EXT1: variants seen among roughly 807,000 people sequenced by gnomAD.
EXT1 encodes the protein exostosin glycosyltransferase 1.
Under a neutral mutation model 82.5 loss-of-function variants are expected in EXT1, and 20 were observed. That is an observed-to-expected ratio of 0.24 (90% CI 0.17 to 0.35). The LOEUF (loss-of-function observed/expected upper bound fraction) is 0.35. EXT1 is among the 10% of genes least tolerant of loss of function. EXT1 has a pLI of 1.00. For missense variants in EXT1, 757 were observed against 936.5 expected (o/e 0.81, Z 2.50); for synonymous variants, 348 against 350.8 (o/e 0.99, Z 0.09).
At chr8:118,038,078 G>A (rs968800447) in intron 1 of EXT1, among the ~76,000 whole-genome samples, 43 of 151,940 alleles carry the variant, frequency 2.8e-4, no homozygotes, top group African/African-American at 1.0e-3. Context: ...CACCTGCCTC[G>A]GCTTCCCAAA....
chr8:117,869,497 C>CAA (rs1244461856), intron 1 of EXT1, among the ~76,000 whole-genome samples: 1 of 152,162 alleles, frequency 6.6e-6, no homozygotes, highest in Non-Finnish European at 1.5e-5. Flanking sequence ...AAGTATCTAC[C>CAA]TCCTTGTCCT....
chr8:117,906,613 A>C (rs146388321), intron 1 of EXT1, among the ~76,000 whole-genome samples: 1 of 152,196 alleles, frequency 6.6e-6, no homozygotes, highest in Non-Finnish European at 1.5e-5. Context: ...TTTCCTACGA[A>C]ATTCCTTAAA....
intron 1 of EXT1, among the ~76,000 whole-genome samples, chr8:118,036,361 T>G (rs888686970): frequency 6.6e-6 from 1 of 152,008 alleles, no homozygotes; most frequent in African/African-American, 2.4e-5. Context: ...TTCTATAGTC[T>G]CCATATCTCT....
chr8:117,997,846 G>A (rs1027892346), intron 1 of EXT1, among the ~76,000 whole-genome samples: 5 of 152,046 alleles, frequency 3.3e-5, no homozygotes, highest in African/African-American at 1.2e-4. Flanking sequence ...GCTCCCCAAG[G>A]AACCCCCAAG....
At chr8:117,852,248 G>C (rs1248317097) in intron 1 of EXT1, among the ~76,000 whole-genome samples, 1 of 152,132 alleles carries the variant, frequency 6.6e-6, no homozygotes, top group South Asian at 2.1e-4. Context: ...ATGCTTTTTG[G>C]AGATGTCCCA....
intron 1 of EXT1, 71 bp from the exon 2 acceptor site, chr8:117,837,272 G>A: frequency 8.0e-7 from 1 of 1,254,924 alleles, no homozygotes; most frequent in Non-Finnish European, 1.2e-6. Context: ...CCATAGGTGG[G>A]CGCCCATGTG....
chr8:118,038,414 T>C (rs563298293), intron 1 of EXT1, among the ~76,000 whole-genome samples: 1 of 152,338 alleles, frequency 6.6e-6, no homozygotes, highest in South Asian at 2.1e-4. Flanking sequence ...GCAGAATCCC[T>C]GTAGAGTCCA....
At chr8:117,918,256 T>C (rs532658454) in intron 1 of EXT1, among the ~76,000 whole-genome samples, 1 of 152,332 alleles carries the variant, frequency 6.6e-6, no homozygotes, top group Admixed American at 6.5e-5. Context: ...CACTCAACAA[T>C]AGTGAGCTTC....
At chr8:117,912,621 G>C (rs1813671980) in intron 1 of EXT1, among the ~76,000 whole-genome samples, 1 of 152,164 alleles carries the variant, frequency 6.6e-6, no homozygotes, top group African/African-American at 2.4e-5. Context: ...CAGAGCACTG[G>C]GTGGCAGAGG....
intron 1 of EXT1, among the ~76,000 whole-genome samples, chr8:118,091,656 A>G (rs1046435947): frequency 6.6e-6 from 1 of 152,128 alleles, no homozygotes; most frequent in African/African-American, 2.4e-5. Context: ...GAAGCAGGAG[A>G]ATGATGTGAA....
At chr8:118,008,650 G>T (rs1221376654) in intron 1 of EXT1, among the ~76,000 whole-genome samples, 1 of 152,074 alleles carries the variant, frequency 6.6e-6, no homozygotes, top group Non-Finnish European at 1.5e-5. Flanking sequence ...TTCTGTGGCT[G>T]CACAGTATCC....
intron 8 of EXT1, 28 bp downstream of exon 8, chr8:117,812,844 C>A: frequency 6.2e-7 from 1 of 1,601,544 alleles, no homozygotes; most frequent in Non-Finnish European, 8.6e-7. Flanking sequence ...AACAGCCCAC[C>A]TGCTGCTCCT....
In EXT1 at chr8:118,073,650, AAGAGAAG is replaced by A. The variant is rs1389140767; in HGVS notation, c.962+36428_962+36434del. Among the ~76,000 whole-genome samples, 18 of 126,618 alleles carry A rather than the reference AAGAGAAG, an allele frequency of 1.4e-4. No homozygotes were observed. The South Asian group carries it at 1.6e-3, about 11-fold the overall frequency. 83.1% of individuals were successfully genotyped at this position (126,618 alleles called of 152,430 possible). A position where few individuals can be genotyped will look rare whatever the true frequency, so the allele number is the denominator to read the frequency against. ...GAAGAGAAAGAAGAGAAGAGAAGAG[AAGAGAAG>A]AGAAGAGAAGAGAAGAGAAGAGAAG... On this transcript the variant is annotated intron_variant, in intron 1 of 10. Coordinates refer to ENST00000378204, the MANE Select transcript of EXT1 (RefSeq NM_000127.3).
At chr8:118,108,930 C>T (rs1817842644) in intron 1 of EXT1, among the ~76,000 whole-genome samples, 1 of 152,144 alleles carries the variant, frequency 6.6e-6, no homozygotes, top group East Asian at 1.9e-4. Context: ...AGAGGTTCCC[C>T]TTCCTTCCCT....
At chr8:117,999,957 C>CGT (rs1815625423) in intron 1 of EXT1, among the ~76,000 whole-genome samples, 3 of 132,740 alleles carry the variant, frequency 2.3e-5, no homozygotes, top group African/African-American at 5.7e-5. Context: ...TATGTATGTG[C>CGT]GTGTATATAT....
chr8:118,002,533 T>C lies in EXT1; in HGVS notation c.962+107552A>G, dbSNP rs993155416. Reference sequence around the variant, plus strand: ...AAAACAGTGTGAATATTTTTCTTTTTTTTTTTTTTTTTTTTTGAGACAGAG... The same window carrying C: ...AAAACAGTGTGAATATTTTTCTTTTCTTTTTTTTTTTTTTTTGAGACAGAG... On this transcript the variant is annotated intron_variant, in intron 1 of 10. Coordinates refer to ENST00000378204, the MANE Select transcript of EXT1 (RefSeq NM_000127.3). Among the ~76,000 whole-genome samples, 319 of 88,732 alleles carry C rather than the reference T, an allele frequency of 3.6e-3. 1 individual carries two copies. Among genetic ancestry groups the C allele is most frequent in the African/African-American group, 0.016 (291 of 18,366 alleles). The allele number at this position is 88,732 out of a possible 152,430, so 58.2% of individuals were successfully genotyped here. A position where few individuals can be genotyped will look rare whatever the true frequency, so the allele number is the denominator to read the frequency against.
intron 1 of EXT1, among the ~76,000 whole-genome samples, chr8:117,911,306 C>T (rs1813642787): frequency 1.3e-5 from 2 of 152,202 alleles, no homozygotes; most frequent in Non-Finnish European, 2.9e-5. Flanking sequence ...TCCTGGTATG[C>T]TGTAGGGTGG....
intron 1 of EXT1, among the ~76,000 whole-genome samples, chr8:117,947,722 T>C (rs1236210877): frequency 6.6e-6 from 1 of 152,194 alleles, no homozygotes; most frequent in African/African-American, 2.4e-5. Flanking sequence ...AGAAAGGAAG[T>C]GATAGCCTTA....
chr8:117,826,425 TGTGA>T (rs1325840374), intron 4 of EXT1, among the ~76,000 whole-genome samples: 1 of 152,210 alleles, frequency 6.6e-6, no homozygotes, highest in African/African-American at 2.4e-5. Context: ...ATGCTGTAAC[TGTGA>T]GTAACTATGA....
Sources: allele counts gnomAD v4.1 joint callset (sites outside exome capture counted in the v4.1 genomes callset), GRCh38; gene constraint gnomAD v4.1.1; transcripts MANE v1.5; gene names NCBI Gene and HGNC (gene_info 2026-07-23, HGNC 2026-07-21).